Variants in CCDC148 observed in about 807,000 individuals in gnomAD.
CCDC148 encodes the protein coiled-coil domain-containing protein 148.
In CCDC148, 89 loss-of-function variants were observed where a neutral mutation model predicts 85.7. The ratio of observed to expected loss-of-function variants is 1.04; its 90% confidence interval spans 0.87 to 1.24. The LOEUF (loss-of-function observed/expected upper bound fraction) is 1.24. Ranked by LOEUF, CCDC148 falls within the 50% of genes most tolerant of loss-of-function variation. The pLI is 0.00. For missense variants in CCDC148, 692 were observed against 671.7 expected (o/e 1.03, Z -0.33); for synonymous variants, 230 against 213.9 (o/e 1.08, Z -0.66).
At chr2:158,278,174 G>C (rs1165000807) in intron 9 of CCDC148, among the ~76,000 whole-genome samples, 2 of 152,142 alleles carry the variant, frequency 1.3e-5, no homozygotes, top group Non-Finnish European at 2.9e-5. Flanking sequence ...AACAGCTCCA[G>C]TCTACAGCTC....
At chr2:158,420,270 A>T (rs1309888989) in intron 1 of CCDC148, 1 of 152,182 alleles carries the variant, frequency 6.6e-6, no homozygotes, top group East Asian at 1.9e-4. Context: ...ACTCCTCGAG[A>T]AAAGGAACTC....
At chr2:158,194,613 T>G (rs1372762981) in intron 11 of CCDC148, among the ~76,000 whole-genome samples, 1 of 152,110 alleles carries the variant, frequency 6.6e-6, no homozygotes, top group Non-Finnish European at 1.5e-5. Flanking sequence ...ACCCATCAGG[T>G]GATATTTTTG....
intron 11 of CCDC148, among the ~76,000 whole-genome samples, chr2:158,217,368 G>GTATATATATATATATATA (rs1558990175): frequency 7.9e-5 from 6 of 76,100 alleles, no homozygotes; most frequent in African/African-American, 2.5e-4. Context: ...AATTTTGTGT[G>GTATATATATATATATATA]TGTGTGTATA....
At chr2:158,244,327 C>T (rs1688478447) in intron 10 of CCDC148, among the ~76,000 whole-genome samples, 1 of 152,166 alleles carries the variant, frequency 6.6e-6, no homozygotes, top group Admixed American at 6.6e-5. Flanking sequence ...CACTCACTTG[C>T]TAGCTCAGAA....
chr2:158,177,288 A>G (rs927420618), intron 12 of CCDC148, among the ~76,000 whole-genome samples: 1 of 152,048 alleles, frequency 6.6e-6, no homozygotes, highest in African/African-American at 2.4e-5. Context: ...TCAAACCTGC[A>G]TCTTAATGAA....
intron 7 of CCDC148, among the ~76,000 whole-genome samples, chr2:158,328,802 T>G (rs1406269951): frequency 1.3e-5 from 2 of 152,262 alleles, no homozygotes; most frequent in Non-Finnish European, 2.9e-5. Flanking sequence ...GCTGACTGCA[T>G]AAATGTCTTC....
At chr2:158,373,075 T>C (rs1365504293) in intron 1 of CCDC148, among the ~76,000 whole-genome samples, 7 of 151,994 alleles carry the variant, frequency 4.6e-5, no homozygotes, top group Non-Finnish European at 7.4e-5. Context: ...CTTATCCAGG[T>C]GGGCCTAATG....
At chr2:158,364,237 A>T (rs1684099780) in intron 1 of CCDC148, among the ~76,000 whole-genome samples, 1 of 152,246 alleles carries the variant, frequency 6.6e-6, no homozygotes, top group South Asian at 2.1e-4. Flanking sequence ...CATACTGCCC[A>T]AAGTAATTTA....
chr2:158,369,348 T>G (rs755220020), intron 1 of CCDC148, among the ~76,000 whole-genome samples: 3 of 152,180 alleles, frequency 2.0e-5, no homozygotes, highest in Non-Finnish European at 4.4e-5. Flanking sequence ...TCTTATTTCC[T>G]TGAGCAGTGG....
Position 158,363,827 on chromosome 2 carries a change from G to A in CCDC148, c.26-5257C>T, listed in dbSNP as rs562778699. Reference sequence around the variant, plus strand: ...AGTTCTGGCCAGGGCAATTAGGCAGGAGAAAGAAATAAAGGGTATTCAAAT... The same window carrying A: ...AGTTCTGGCCAGGGCAATTAGGCAGAAGAAAGAAATAAAGGGTATTCAAAT... On this transcript the variant is annotated intron_variant, in intron 1 of 13. Transcript: ENST00000283233. Among the ~76,000 whole-genome samples the A allele has an allele frequency of 5.3e-5, 8 of 152,196 alleles. No homozygotes were observed. In the South Asian group the frequency reaches 1.4e-3, roughly 28 times the overall value.
At chr2:158,282,900 A>C (rs998097453) in intron 9 of CCDC148, among the ~76,000 whole-genome samples, 6 of 152,234 alleles carry the variant, frequency 3.9e-5, no homozygotes, top group South Asian at 2.1e-4. Context: ...TACAGTAACC[A>C]AAACAGCATG....
At chr2:158,396,578 C>A (rs918558928) in intron 1 of CCDC148, among the ~76,000 whole-genome samples, 1 of 152,066 alleles carries the variant, frequency 6.6e-6, no homozygotes, top group African/African-American at 2.4e-5. Context: ...GAAATTAAAC[C>A]TGGCTTTGAA....
At chr2:158,444,487 A>G (rs1688074994) in intron 1 of CCDC148, among the ~76,000 whole-genome samples, 1 of 152,160 alleles carries the variant, frequency 6.6e-6, no homozygotes, top group East Asian at 1.9e-4. Flanking sequence ...TGGTTTCAAA[A>G]AAGGGAGAAA....
At chr2:158,272,406 A>G (rs1408817925) in intron 9 of CCDC148, among the ~76,000 whole-genome samples, 3 of 152,196 alleles carry the variant, frequency 2.0e-5, no homozygotes, top group African/African-American at 7.2e-5. Context: ...TTCTCGGATG[A>G]ATGGAATAAA....
At chr2:158,429,379 A>G (rs899014917) in intron 1 of CCDC148, among the ~76,000 whole-genome samples, 1 of 151,968 alleles carries the variant, frequency 6.6e-6, no homozygotes, top group African/African-American at 2.4e-5. Context: ...ATAGATAGAT[A>G]GATAGATAGA....
Position 158,338,808 on chromosome 2 carries a change from T to C in CCDC148, c.682A>G (p.Ile228Val), listed in dbSNP as rs750609933. 7 of 1,612,458 alleles carry C rather than the reference T, an allele frequency of 4.3e-6. No individual in the cohort carries two copies. The South Asian group carries it at 4.4e-5, about 10-fold the overall frequency. Residue 228 changes from isoleucine to valine, a missense_variant, in exon 7 of 14, where the codon ATT becomes GTT. Physicochemically the swap from Ile to Val is conservative, Grantham distance 29. Coordinates refer to ENST00000283233, the MANE Select transcript of CCDC148 (RefSeq NM_138803.4). ...ECPYPDLKSS[I>V]LSEFYKFTQK... ...GTAAACTTATAGAACTCACTGAGAA[T>C]TGAAGATTTCAAATCAGGGTATGGG...
At chr2:158,220,538 T>C in intron 11 of CCDC148, 57 bp downstream of exon 11, 1 of 1,179,110 alleles carries the variant, frequency 8.5e-7, no homozygotes, top group Non-Finnish European at 1.2e-6. Flanking sequence ...TTCTAACACT[T>C]TACAAAAGAC....
intron 11 of CCDC148, among the ~76,000 whole-genome samples, chr2:158,212,045 G>A (rs1444663827): frequency 6.6e-6 from 1 of 152,040 alleles, no homozygotes; most frequent in Non-Finnish European, 1.5e-5. Flanking sequence ...TATTACTGTT[G>A]GCCACCAATG....
At chr2:158,350,348 A>G (rs894337520) in intron 2 of CCDC148, among the ~76,000 whole-genome samples, 2 of 152,184 alleles carry the variant, frequency 1.3e-5, no homozygotes, top group African/African-American at 4.8e-5. Context: ...CTTTTTTGGT[A>G]CATCTCGAAT....
Sources: gnomAD v4.1 joint callset for allele counts (sites outside exome capture counted in the v4.1 genomes callset) on GRCh38, gnomAD v4.1.1 for gene constraint, MANE v1.5 for transcripts, NCBI Gene and HGNC (gene_info 2026-07-23, HGNC 2026-07-21) for gene names.